The following HOOK3 variants were observed in gnomAD, a reference collection of about 807,000 sequenced individuals.
HOOK3 encodes protein Hook homolog 3.
In HOOK3, 24 loss-of-function variants were observed where a neutral mutation model predicts 116.3. That is an observed-to-expected ratio of 0.21 (90% CI 0.15 to 0.29). The LOEUF is 0.29. HOOK3 is among the 10% of genes least tolerant of loss of function. The probability of loss-of-function intolerance (pLI) is 1.00; values close to 1 mark genes in which losing one functional copy is unlikely to be tolerated. For synonymous variants in HOOK3, 275 were observed against 283.0 expected (o/e 0.97, Z 0.28); for missense variants, 632 against 830.2 (o/e 0.76, Z 2.93).
At chr8:42,940,850 A>G (rs891866557) in intron 4 of HOOK3, among the ~76,000 whole-genome samples, 2 of 152,206 alleles carry the variant, frequency 1.3e-5, no homozygotes, top group Non-Finnish European at 2.9e-5. Flanking sequence ...GTGTTTTCCA[A>G]CTTGGTTCCA....
chr8:42,919,765 AC>A (rs1807617502), intron 2 of HOOK3, among the ~76,000 whole-genome samples: 1 of 152,242 alleles, frequency 6.6e-6, no homozygotes, highest in Admixed American at 6.5e-5. Context: ...ACACGGTGAA[AC>A]CCTGTCTCCA....
At chr8:43,003,511 A>T (rs139369929) in intron 17 of HOOK3, among the ~76,000 whole-genome samples, 9 of 152,336 alleles carry the variant, frequency 5.9e-5, no homozygotes, top group Middle Eastern at 3.4e-3. Flanking sequence ...CCAACTGACC[A>T]TTATTCTGTG....
Position 42,986,787 on chromosome 8 carries a change from A to G in HOOK3, c.1524A>G (p.Thr508=). 1 of 1,613,502 alleles carries G rather than the reference A, an allele frequency of 6.2e-7. No individual in the cohort carries two copies. Among genetic ancestry groups the G allele is most frequent in the Non-Finnish European group, 8.5e-7 (1 of 1,179,762 alleles). Residue 508 remains threonine, a synonymous_variant, in exon 15 of 22, where the codon ACA becomes ACG. Coordinates refer to ENST00000307602, the MANE Select transcript of HOOK3 (RefSeq NM_032410.4). ...ATCTACGCAAGAATGAACTGGAGACAGAGAATAGGTAGAGTATTATAGGTG... is the reference window on the plus strand; with the variant it reads ...ATCTACGCAAGAATGAACTGGAGACGGAGAATAGGTAGAGTATTATAGGTG... The part of the protein sequence containing the change: ...DANLRKNELE[T]ENRLVNQRLL...
chr8:42,908,968 G>C (rs919390193), intron 2 of HOOK3, among the ~76,000 whole-genome samples: 2 of 152,150 alleles, frequency 1.3e-5, no homozygotes, highest in South Asian at 2.1e-4. Context: ...AATATCAAGA[G>C]AACAGATAAC....
intron 4 of HOOK3, among the ~76,000 whole-genome samples, chr8:42,940,667 T>C (rs1808096352): frequency 2.6e-5 from 4 of 152,364 alleles, no homozygotes; most frequent in Middle Eastern, 6.8e-3. Context: ...CTTTTCTCTC[T>C]GGATGCCCTT....
chr8:42,938,410 C>T (rs200131129), intron 4 of HOOK3, among the ~76,000 whole-genome samples: 12 of 151,820 alleles, frequency 7.9e-5, no homozygotes, highest in Non-Finnish European at 1.5e-5. Context: ...AAGGTTAATA[C>T]TATGTGTGAA....
chr8:42,897,545 A>ACGGGCCCGGCT (rs1237391071), intron 1 of HOOK3, among the ~76,000 whole-genome samples: 11 of 152,160 alleles, frequency 7.2e-5, no homozygotes, highest in Non-Finnish European at 1.0e-4. Context: ...TTCGCGGAGG[A>ACGGGCCCGGCT]CGGGCCCGGC....
At chr8:42,975,110 C>T (rs893880385) in intron 13 of HOOK3, among the ~76,000 whole-genome samples, 1 of 152,058 alleles carries the variant, frequency 6.6e-6, no homozygotes, top group African/African-American at 2.4e-5. Flanking sequence ...CACCCAGGAG[C>T]GGGAACCTGG....
intron 4 of HOOK3, among the ~76,000 whole-genome samples, chr8:42,932,346 TAAAA>T (rs142154035): frequency 6.6e-6 from 1 of 150,532 alleles, no homozygotes; most frequent in African/African-American, 2.4e-5. Flanking sequence ...GCCTATTACA[TAAAA>T]AAAAAGTAGT....
intron 15 of HOOK3, 122 bp from the exon 16 acceptor site, chr8:42,997,428 T>C (rs979907589): frequency 6.2e-5 from 39 of 625,450 alleles, no homozygotes; most frequent in Non-Finnish European, 9.4e-5. Context: ...ACTACTATAC[T>C]ACTACTGCTA....
intron 16 of HOOK3, among the ~76,000 whole-genome samples, chr8:43,001,249 G>C (rs1809375678): frequency 6.6e-6 from 1 of 152,026 alleles, no homozygotes; most frequent in African/African-American, 2.4e-5. Context: ...AAGTATTATA[G>C]AGCTGTGTTA....
At chr8:42,907,066 A>G (rs1364142211) in intron 2 of HOOK3, among the ~76,000 whole-genome samples, 1 of 152,204 alleles carries the variant, frequency 6.6e-6, no homozygotes, top group African/African-American at 2.4e-5. Context: ...TTGACCTAGG[A>G]ATTTTTTAAA....
chr8:43,007,054 TCTCA>T (rs1209798463), intron 17 of HOOK3, among the ~76,000 whole-genome samples: 3 of 127,722 alleles, frequency 2.3e-5, no homozygotes, highest in African/African-American at 9.5e-5. Context: ...TGAGATGGAG[TCTCA>T]CTCTGTCATC....
At position 42,906,234 on chromosome 8, in the gene HOOK3, T is replaced by G; in HGVS notation, c.119T>G (p.Val40Gly). Residue 40 changes from valine (V) to glycine (G), a missense_variant, in exon 2 of 22, where the codon GTG becomes GGG. Transcript: ENST00000307602. ...GTGGAAGATTTAACGAATGGGGTTG[T>G]GATGGCCCAGGTTCTTCAAAAGATG... ...QTVEDLTNGVVMAQVLQKIDP... is the reference protein window; with the variant it reads ...QTVEDLTNGVGMAQVLQKIDP... 1 of 1,534,518 alleles carries G rather than the reference T, an allele frequency of 6.5e-7. No homozygotes were observed. Among genetic ancestry groups the G allele is most frequent in the Non-Finnish European group, 8.8e-7 (1 of 1,130,454 alleles).
intron 11 of HOOK3, among the ~76,000 whole-genome samples, chr8:42,970,810 CAG>C (rs1338855871): frequency 1.0e-5 from 1 of 100,054 alleles, no homozygotes; most frequent in African/African-American, 5.2e-5. Context: ...TTTTCTGAGA[CAG>C]GGTTTCACTC....
At chr8:42,898,463 T>C (rs1239921549) in intron 1 of HOOK3, among the ~76,000 whole-genome samples, 4 of 152,278 alleles carry the variant, frequency 2.6e-5, no homozygotes, top group South Asian at 4.1e-4. Context: ...AGTTGTATAA[T>C]GTGGCTGAGG....
intron 14 of HOOK3, among the ~76,000 whole-genome samples, chr8:42,984,208 A>C (rs1809004819): frequency 6.6e-6 from 1 of 152,030 alleles, no homozygotes; most frequent in Non-Finnish European, 1.5e-5. Flanking sequence ...TCTCTACTAA[A>C]AAGTACAAAA....
intron 14 of HOOK3, among the ~76,000 whole-genome samples, chr8:42,984,380 AAAT>A (rs1374970331): frequency 2.0e-5 from 3 of 152,040 alleles, no homozygotes; most frequent in Non-Finnish European, 4.4e-5. Flanking sequence ...AAAAAAAAAA[AAAT>A]AAGAAGTACA....
At chr8:42,949,188 G>A (rs1444117979) in intron 5 of HOOK3, among the ~76,000 whole-genome samples, 1 of 152,200 alleles carries the variant, frequency 6.6e-6, no homozygotes, top group Non-Finnish European at 1.5e-5. Context: ...GATGTATGGG[G>A]TTGGAGAGGT....
Sources: allele counts gnomAD v4.1 joint callset (sites outside exome capture counted in the v4.1 genomes callset), GRCh38; gene constraint gnomAD v4.1.1; transcripts MANE v1.5; gene names NCBI Gene and HGNC (gene_info 2026-07-23, HGNC 2026-07-21).